ITPR3: variants seen among roughly 807,000 people sequenced by gnomAD.
ITPR3 encodes the protein inositol 1,4,5-trisphosphate-gated calcium channel ITPR3.
A neutral mutation model predicts 293.2 loss-of-function variants in ITPR3; 173 were observed. The ratio of observed to expected loss-of-function variants is 0.59; its 90% confidence interval spans 0.52 to 0.67. The LOEUF (loss-of-function observed/expected upper bound fraction) is 0.67. ITPR3 is among the 30% of genes least tolerant of loss of function. The probability of loss-of-function intolerance (pLI) is 0.00; values close to 1 mark genes in which losing one functional copy is unlikely to be tolerated. For synonymous variants in ITPR3, 1,295 were observed against 1,444.4 expected (o/e 0.90, Z 2.35); for missense variants, 2,796 against 3,592.1 (o/e 0.78, Z 5.66).
At position 33,655,665 on chromosome 6, in the gene ITPR3, G is replaced by A. The variant is rs964306320; in HGVS notation, c.161-101G>A. 8.5e-5 allele frequency: 127 copies of A among 1,487,738 alleles called. No individual in the cohort carries two copies. The highest frequency in any genetic ancestry group is 1.1e-4 in the Non-Finnish European group (120 of 1,089,934). 92.2% of individuals were successfully genotyped at this position (1,487,738 alleles called of 1,614,324 possible). A position where few individuals can be genotyped will look rare whatever the true frequency, so the allele number is the denominator to read the frequency against. On this transcript the variant is annotated intron_variant, in intron 2 of 57. Transcript: ENST00000605930. The surrounding 1 kb of genome is among the most constrained non-coding windows in gnomAD (Gnocchi z 4.9). ...ACCTGCAGCGGGGAACGGGGGTGGGGAAGGGTTGGGAGAGAAGAGCTGCAG... is the reference window on the plus strand; with the variant it reads ...ACCTGCAGCGGGGAACGGGGGTGGGAAAGGGTTGGGAGAGAAGAGCTGCAG...
At chr6:33,657,627 G>A (rs533801169) in intron 3 of ITPR3, among the ~76,000 whole-genome samples, 12 of 152,138 alleles carry the variant, frequency 7.9e-5, no homozygotes, top group South Asian at 2.1e-4. Context: ...AGGGGATTGC[G>A]GGGGATGCTC....
rs1764727078 is a variant in ITPR3, at chr6:33,670,497, C to T, written c.2362C>T (p.Arg788Cys). The T allele has an allele frequency of 2.5e-6, 4 of 1,613,374 alleles. No homozygotes were observed. The highest frequency in any genetic ancestry group is 3.3e-5 in the Admixed American group (2 of 59,952). The change falls in exon 19 of 58, where the codon CGT becomes TGT. Residue 788 changes from arginine to cysteine, a missense_variant. Transcript: ENST00000605930. This position sits in a 1 kb window ranked among gnomAD's most constrained non-coding sequence, Gnocchi z 6.7. ...CHLMLHVHVD[R>C]DPQELVTPVK... is the part of the protein sequence containing the mutation. ...CCTGATGCTGCACGTGCACGTGGAC[C>T]GTGACCCCCAGGAGCTGGTCACGCC... is the stretch of plus-strand genomic sequence containing the variant.
rs200227346 is a variant in ITPR3 at position 33,621,708 on chromosome 6, C to T, written c.89+17C>T. 8.8e-6 allele frequency: 14 copies of T among 1,582,266 alleles called. 1 individual carries two copies. In the Middle Eastern group the frequency reaches 6.6e-4, roughly 75 times the overall value. On this transcript the variant is annotated intron_variant, in intron 1 of 57. Transcript: ENST00000605930. This position sits in a 1 kb window ranked among gnomAD's most constrained non-coding sequence, Gnocchi z 7.7. ...CACTTTGGGGTGAGTGAGCCGAGCT[C>T]GAGAGGGGCGCGGGTAAAGAGGGGG...
chr6:33,662,907 C>G lies in ITPR3; in HGVS notation c.859-4C>G. On this transcript the variant is annotated splice_polypyrimidine_tract_variant and splice_region_variant and intron_variant, in intron 8 of 57. Transcript: ENST00000605930. ...CTTCCTGCCTCACACCTGTGTGCCCCTAGGTGGTCCACCACGACCCCTGCC... is the reference window on the plus strand; with the variant it reads ...CTTCCTGCCTCACACCTGTGTGCCCGTAGGTGGTCCACCACGACCCCTGCC... 6.3e-7 allele frequency: 1 copy of G among 1,586,590 alleles called. No homozygotes were observed. Among genetic ancestry groups the G allele is most frequent in the Non-Finnish European group, 8.6e-7 (1 of 1,165,102 alleles).
chr6:33,676,675 A>T, intron 25 of ITPR3, 93 bp from the exon 26 acceptor site: 1 of 1,463,396 alleles, frequency 6.8e-7, no homozygotes, highest in Non-Finnish European at 9.4e-7. Context: ...GGTCTACAGG[A>T]GGGGAACCCT....
intron 51 of ITPR3, 80 bp from the exon 52 acceptor site, chr6:33,690,837 A>C (rs557030981): frequency 3.8e-6 from 5 of 1,326,462 alleles, no homozygotes; most frequent in African/African-American, 2.9e-5. Context: ...GGCAGCCCTC[A>C]GGGTTCCAGT....
rs768180193 is a variant in ITPR3, at chr6:33,686,146, G to A, written c.5761G>A (p.Gly1921Ser). The change falls in exon 42 of 58, where the codon GGC becomes AGC. Residue 1921 changes from glycine (G) to serine (S), a missense_variant. By Grantham distance (56) the Gly-to-Ser change is moderately conservative. Transcript: ENST00000605930. ...LDIMCGSTTG[G>S]LGLLGLYINE... ...CATCATGTGCGGCAGCACCACGGGC[G>A]GCCTGGGGCTGCTGGGGCTCTACAT... 9 of 1,614,056 alleles carry A rather than the reference G, an allele frequency of 5.6e-6. No homozygotes were observed. The highest frequency in any genetic ancestry group is 3.3e-5 in the Admixed American group (2 of 60,014).
At position 33,671,235 on chromosome 6, in the gene ITPR3, G is replaced by A. The variant is rs750148103; in HGVS notation, c.2657G>A (p.Arg886His). ...TTCAGCGAGCTGCTGCGGCTCACTC[G>A]CACACTGCTGGGCATCATCGACTGT... Reference protein sequence around the residue: ...YSFSELLRLTRTLLGIIDCVQ... With the variant: ...YSFSELLRLTHTLLGIIDCVQ... The change falls in exon 21 of 58, where the codon CGC becomes CAC. Residue 886 changes from arginine (R) to histidine (H), a missense_variant. This residue lies in a region of ITPR3 where 955 missense variants were observed against 1,180.8 expected (regional missense o/e 0.81). Coordinates refer to ENST00000605930, the MANE Select transcript of ITPR3 (RefSeq NM_002224.4). 3.7e-6 allele frequency: 6 copies of A among 1,613,658 alleles called. No homozygotes were observed. Among genetic ancestry groups the A allele is most frequent in the Admixed American group, 1.7e-5 (1 of 60,024 alleles).
At chr6:33,643,930 C>T (rs764212135) in intron 2 of ITPR3, among the ~76,000 whole-genome samples, 8 of 152,342 alleles carry the variant, frequency 5.3e-5, no homozygotes, top group Non-Finnish European at 8.8e-5. Context: ...CGGTGGCTCA[C>T]GCCTGTAACT....
At chr6:33,631,982 T>C (rs10947417) in intron 1 of ITPR3, among the ~76,000 whole-genome samples, 32,353 of 152,208 alleles carry the variant, frequency 0.21, 4,248 homozygotes, top group Middle Eastern at 0.3. Context: ...TTGCTAATTG[T>C]CCATGATCAT....
At chr6:33,686,017 T>C (rs2127309026) in intron 41 of ITPR3, 36 bp from the exon 42 acceptor site, 1 of 1,609,718 alleles carries the variant, frequency 6.2e-7, no homozygotes, top group Non-Finnish European at 8.5e-7. Flanking sequence ...CTCCGTGCTG[T>C]AGCTGTGCTG....
chr6:33,630,270 A>T (rs1370044684), intron 1 of ITPR3, among the ~76,000 whole-genome samples: 1 of 152,102 alleles, frequency 6.6e-6, no homozygotes, highest in African/African-American at 2.4e-5. Flanking sequence ...TTGATTTGTC[A>T]GGGCTGCCTT....
In ITPR3 at chr6:33,675,755, C is replaced by T; in HGVS notation, c.3181C>T (p.His1061Tyr). The change falls in exon 25 of 58, where the codon CAC becomes TAC. Residue 1061 changes from histidine (H) to tyrosine (Y), a missense_variant. Transcript: ENST00000605930. This position sits in a 1 kb window ranked among gnomAD's most constrained non-coding sequence, Gnocchi z 5.0. ...GGRMFLRVLIHLTMHDYAPLV... is the reference protein window; with the variant it reads ...GGRMFLRVLIYLTMHDYAPLV... ...CCGCATGTTCCTGCGCGTGCTCATC[C>T]ACCTCACCATGCACGACTATGCGCC... 2.5e-6 allele frequency: 4 copies of T among 1,613,172 alleles called. No homozygotes were observed. The highest frequency in any genetic ancestry group is 1.1e-5 in the South Asian group (1 of 91,038).
rs1031513965 is a variant in ITPR3, at chr6:33,633,485, C to G, written c.90-6999C>G. 6.6e-6 allele frequency among the ~76,000 whole-genome samples: 1 copy of G among 152,064 alleles called. No homozygotes were observed. The highest frequency in any genetic ancestry group is 2.4e-5 in the African/African-American group (1 of 41,438). Reference sequence around the variant, plus strand: ...GAAGAGTCGGGGTGGGGCGCTAAGGCCAGGGACGTCGGTGCCATCAGGTGG... The same window carrying G: ...GAAGAGTCGGGGTGGGGCGCTAAGGGCAGGGACGTCGGTGCCATCAGGTGG... On this transcript the variant is annotated intron_variant, in intron 1 of 57. Transcript: ENST00000605930. This position sits in a 1 kb window ranked among gnomAD's most constrained non-coding sequence, Gnocchi z 5.2.
rs1238173872 is a variant in ITPR3 at position 33,682,932 on chromosome 6, G to A, written c.4598-275G>A. Reference sequence around the variant, plus strand: ...CAGGAGCAGGCCTGTGGATTGTTAGGGACAGTTGGGGAAGAAGAGAGGACA... The same window carrying A: ...CAGGAGCAGGCCTGTGGATTGTTAGAGACAGTTGGGGAAGAAGAGAGGACA... On this transcript the variant is annotated intron_variant, in intron 34 of 57. Transcript: ENST00000605930. The surrounding 1 kb of genome is among the most constrained non-coding windows in gnomAD (Gnocchi z 5.4). Among the ~76,000 whole-genome samples the A allele has an allele frequency of 1.3e-5, 2 of 152,114 alleles. No individual in the cohort carries two copies. Among genetic ancestry groups the A allele is most frequent in the East Asian group, 3.9e-4 (2 of 5,180 alleles).
intron 1 of ITPR3, among the ~76,000 whole-genome samples, chr6:33,636,968 G>GCCTGGCTTCAAAA (rs1187230588): frequency 6.6e-6 from 1 of 152,184 alleles, no homozygotes; most frequent in Non-Finnish European, 1.5e-5. Context: ...ACGCCGGGCT[G>GCCTGGCTTCAAAA]CCTGGCTTCA....
intron 1 of ITPR3, among the ~76,000 whole-genome samples, chr6:33,626,811 C>G (rs1763558727): frequency 6.6e-6 from 1 of 151,558 alleles, no homozygotes; most frequent in African/African-American, 2.4e-5. Flanking sequence ...GGCTTTCTTT[C>G]TTTTATTTTT....
chr6:33,683,870 A>G lies in ITPR3; in HGVS notation c.4789-150A>G. ...CCAGGGCTCTGAGCAGACAGACATCACGCTGTGTTCAGGGTGTCTCTGTGG... is the reference window on the plus strand; with the variant it reads ...CCAGGGCTCTGAGCAGACAGACATCGCGCTGTGTTCAGGGTGTCTCTGTGG... On this transcript the variant is annotated intron_variant, in intron 35 of 57. Coordinates refer to ENST00000605930, the MANE Select transcript of ITPR3 (RefSeq NM_002224.4). The surrounding 1 kb of genome is among the most constrained non-coding windows in gnomAD (Gnocchi z 4.5). 1 of 824,664 alleles carries G rather than the reference A, an allele frequency of 1.2e-6. No homozygotes were observed. The highest frequency in any genetic ancestry group is 2.7e-5 in the East Asian group (1 of 37,218). The allele number at this position is 824,664 out of a possible 1,614,324, so 51.1% of individuals were successfully genotyped here.
chr6:33,684,381 C>T lies in ITPR3; in HGVS notation c.4962C>T (p.Leu1654=). 1 of 1,614,014 alleles carries T rather than the reference C, an allele frequency of 6.2e-7. No homozygotes were observed. The highest frequency in any genetic ancestry group is 8.5e-7 in the Non-Finnish European group (1 of 1,179,972). The change falls in exon 37 of 58, where the codon CTC becomes CTT. Residue 1654 remains leucine, a synonymous_variant. Coordinates refer to ENST00000605930, the MANE Select transcript of ITPR3 (RefSeq NM_002224.4). The surrounding 1 kb of genome is among the most constrained non-coding windows in gnomAD (Gnocchi z 4.2). The part of the protein sequence containing the change: ...LSKLIQHTKD[L]MESEEKLCIK... The stretch of plus-strand genomic sequence containing the variant: ...GGCTGATCCAGCACACCAAGGACCT[C>T]ATGGAGTCGGAGGAGAAGCTGTGCA...
Sources: gnomAD v4.1 joint callset for allele counts (sites outside exome capture counted in the v4.1 genomes callset) on GRCh38, gnomAD v4.1.1 for gene constraint, gnomAD v4.1.1 regional missense constraint, Gnocchi (gnomAD v3.1) non-coding constraint, MANE v1.5 for transcripts, NCBI Gene and HGNC (gene_info 2026-07-23, HGNC 2026-07-21) for gene names.